SLC8A1: variants seen among roughly 807,000 people sequenced by gnomAD.
The protein encoded by SLC8A1 is solute carrier family 8 member A1.
SLC8A1 carries 18 observed loss-of-function variants against 68.3 expected under a neutral mutation model. The observed-to-expected ratio is 0.26, with a 90% CI of 0.18 to 0.39. The LOEUF (loss-of-function observed/expected upper bound fraction) is 0.39, where lower values mean the gene tolerates loss of function less well. Among genes scored for constraint, SLC8A1 ranks in the 10% least tolerant of loss-of-function variants. The pLI is 1.00. For synonymous variants in SLC8A1, 475 were observed against 415.5 expected (o/e 1.14, Z -1.74); for missense variants, 985 against 1,156.7 (o/e 0.85, Z 2.15).
At chr2:40,481,706 G>C (rs1704640608) in intron 1 of SLC8A1, among the ~76,000 whole-genome samples, 1 of 152,150 alleles carries the variant, frequency 6.6e-6, no homozygotes. Context: ...GAAAAGTAAT[G>C]ATTTCTAAGT....
At chr2:40,432,541 G>A (rs1406322407) in intron 1 of SLC8A1, among the ~76,000 whole-genome samples, 1 of 150,730 alleles carries the variant, frequency 6.6e-6, no homozygotes, top group Non-Finnish European at 1.5e-5. Flanking sequence ...ATCAAGTTTT[G>A]TGGATATCTG....
intron 2 of SLC8A1, among the ~76,000 whole-genome samples, chr2:40,390,681 A>G (rs901620624): frequency 6.6e-6 from 1 of 152,076 alleles, no homozygotes; most frequent in Non-Finnish European, 1.5e-5. Context: ...TTTCACATAC[A>G]CATAGTCCAC....
At chr2:40,480,308 G>A (rs1308035481) in intron 1 of SLC8A1, among the ~76,000 whole-genome samples, 1 of 152,074 alleles carries the variant, frequency 6.6e-6, no homozygotes, top group Non-Finnish European at 1.5e-5. Flanking sequence ...AACCCCCATG[G>A]TGATGTATGA....
At chr2:40,225,026 TTC>T (rs2058794974) in intron 2 of SLC8A1, among the ~76,000 whole-genome samples, 1 of 152,148 alleles carries the variant, frequency 6.6e-6, no homozygotes, top group African/African-American at 2.4e-5. Context: ...CATTTCTGGT[TTC>T]TTGGTTTTTC....
intron 1 of SLC8A1, among the ~76,000 whole-genome samples, chr2:40,492,647 A>T (rs2149925877): frequency 6.7e-6 from 1 of 149,888 alleles, no homozygotes; most frequent in South Asian, 2.1e-4. Context: ...CAAATTTACA[A>T]GAAAAAAACA....
intron 2 of SLC8A1, among the ~76,000 whole-genome samples, chr2:40,192,157 AACTT>A (rs1279869962): frequency 6.6e-6 from 1 of 152,122 alleles, no homozygotes; most frequent in Non-Finnish European, 1.5e-5. Context: ...ATTATTATCT[AACTT>A]AATCGCATTC....
chr2:40,376,709 G>C (rs116113525), intron 2 of SLC8A1, among the ~76,000 whole-genome samples: 2,334 of 152,198 alleles, frequency 0.015, 58 homozygotes, highest in African/African-American at 0.053. Context: ...TGGGAGACAA[G>C]GACCGATGAT....
At chr2:40,178,862 C>A (rs921674659) in intron 2 of SLC8A1, among the ~76,000 whole-genome samples, 2 of 152,130 alleles carry the variant, frequency 1.3e-5, no homozygotes, top group African/African-American at 4.8e-5. Context: ...AAGCTATGCC[C>A]TGGAACTCAC....
At chr2:40,192,519 T>G (rs1432891847) in intron 2 of SLC8A1, among the ~76,000 whole-genome samples, 1 of 152,166 alleles carries the variant, frequency 6.6e-6, no homozygotes, top group Non-Finnish European at 1.5e-5. Flanking sequence ...TACAATTAAG[T>G]TTAACTTACA....
chr2:40,170,354 C>T lies in SLC8A1; in HGVS notation c.1930+4471G>A, dbSNP rs772813701. 1.1e-5 allele frequency: 18 copies of T among 1,613,684 alleles called. No homozygotes were observed. Among genetic ancestry groups the T allele is most frequent in the Admixed American group, 1.7e-5 (1 of 60,002 alleles). On this transcript the variant is annotated intron_variant, in intron 4 of 7. Transcript: ENST00000406785. ...CCTTCCTGAAGACAGGTTGGCCTAGCAAAAGGACAGGCAGAAAAATCAGCA... is the reference window on the plus strand; with the variant it reads ...CCTTCCTGAAGACAGGTTGGCCTAGTAAAAGGACAGGCAGAAAAATCAGCA...
chr2:40,274,365 T>C (rs1423647423), intron 2 of SLC8A1, among the ~76,000 whole-genome samples: 1 of 152,050 alleles, frequency 6.6e-6, no homozygotes, highest in Admixed American at 6.6e-5. Context: ...AAAACTAGGC[T>C]GTCCAGCCCC....
chr2:40,360,583 G>A (rs371312592), intron 2 of SLC8A1, among the ~76,000 whole-genome samples: 49 of 152,190 alleles, frequency 3.2e-4, no homozygotes, highest in African/African-American at 1.1e-3. Flanking sequence ...CAACCCTACA[G>A]GATAGATACT....
rs2048879609 is a variant in SLC8A1, at chr2:40,178,510, A to G, written c.1809-655T>C. Reference sequence around the variant, plus strand: ...ATTGTTTTGCTGAAACAGAGAATAGAAATTGACGAACAAGGGGAAGAGGAA... The same window carrying G: ...ATTGTTTTGCTGAAACAGAGAATAGGAATTGACGAACAAGGGGAAGAGGAA... On this transcript the variant is annotated intron_variant, in intron 2 of 7. Transcript: ENST00000406785. 1 of 1,592,194 alleles carries G rather than the reference A, an allele frequency of 6.3e-7. No homozygotes were observed. The highest frequency in any genetic ancestry group is 8.6e-7 in the Non-Finnish European group (1 of 1,161,138).
At chr2:40,145,216 A>T (rs528441043) in intron 6 of SLC8A1, among the ~76,000 whole-genome samples, 10 of 152,308 alleles carry the variant, frequency 6.6e-5, no homozygotes, top group Admixed American at 2.6e-4. Flanking sequence ...TCTTTCACTT[A>T]GCATAATGTC....
rs183853444 is a variant in SLC8A1 at position 40,484,232 on chromosome 2, T to C, written c.-25+28117A>G. Among the ~76,000 whole-genome samples, 8 of 152,332 alleles carry C rather than the reference T, an allele frequency of 5.3e-5. No homozygotes were observed. The East Asian group carries it at 1.5e-3, about 29-fold the overall frequency. On this transcript the variant is annotated intron_variant, in intron 1 of 7. Transcript: ENST00000402441. ...TATTACAGCTTTTCCTTTGAGACTG[T>C]GTTGACAGTGGTAGTGGGAGCAGCA...
intron 1 of SLC8A1, among the ~76,000 whole-genome samples, chr2:40,481,444 A>G (rs1354471657): frequency 1.3e-5 from 2 of 152,150 alleles, no homozygotes; most frequent in African/African-American, 4.8e-5. Context: ...CTTGATCTTT[A>G]GTTTTCTTGT....
In SLC8A1 at chr2:40,180,357, T is replaced by A. The variant is rs902448271; in HGVS notation, c.1809-2502A>T. ...ATGTAAGGAATGATTGATTATTTGA[T>A]AATTAGAACTGAATTTGATGTTGTA... On this transcript the variant is annotated intron_variant, in intron 2 of 7. Transcript: ENST00000406785. 2.0e-5 allele frequency among the ~76,000 whole-genome samples: 3 copies of A among 152,242 alleles called. No homozygotes were observed. The East Asian group carries it at 5.8e-4, about 29-fold the overall frequency.
chr2:40,302,231 T>C (rs1027506676), intron 2 of SLC8A1, among the ~76,000 whole-genome samples: 11 of 151,966 alleles, frequency 7.2e-5, no homozygotes, highest in East Asian at 5.8e-4. Context: ...ACTTCCCTCC[T>C]ACCCTTCCCT....
intron 2 of SLC8A1, among the ~76,000 whole-genome samples, chr2:40,295,432 A>G (rs575004148): frequency 6.6e-6 from 1 of 152,306 alleles, no homozygotes; most frequent in South Asian, 2.1e-4. Context: ...TGTAAAAATC[A>G]TAATAAAAGT....
Sources: gnomAD v4.1 joint callset for allele counts (sites outside exome capture counted in the v4.1 genomes callset) on GRCh38, gnomAD v4.1.1 for gene constraint, MANE v1.5 for transcripts, NCBI Gene and HGNC (gene_info 2026-07-23, HGNC 2026-07-21) for gene names.